The following GPR108 variants were observed in gnomAD, a reference collection of about 807,000 sequenced individuals.
GPR108 encodes G protein-coupled receptor 108.
A neutral mutation model predicts 74.3 loss-of-function variants in GPR108; 60 were observed. The ratio of observed to expected loss-of-function variants is 0.81; its 90% CI spans 0.66 to 1.00. The LOEUF is 1.00. GPR108 is among the 50% of genes least tolerant of loss of function. The pLI, the probability that GPR108 is intolerant of heterozygous loss-of-function variation, is 0.00. For missense variants in GPR108, 667 were observed against 703.3 expected (o/e 0.95, Z 0.58); for synonymous variants, 311 against 292.4 (o/e 1.06, Z -0.65).
At position 6,732,106 on chromosome 19, in the gene GPR108, G is replaced by A; in HGVS notation, c.1175C>T (p.Ala392Val). The A allele has an allele frequency of 6.2e-7, 1 of 1,613,952 alleles. No homozygotes were observed. The highest frequency in any genetic ancestry group is 8.5e-7 in the Non-Finnish European group (1 of 1,180,018). Reference sequence around the variant, plus strand: ...CTCCTTCCACAGCACGTAGTCGCTGGCGCCTTCCTCGCGGGACTCGATGAT... The same window carrying A: ...CTCCTTCCACAGCACGTAGTCGCTGACGCCTTCCTCGCGGGACTCGATGAT... ...YIIIESREEG[A>V]SDYVLWKEIL... is the part of the protein sequence containing the mutation. Residue 392 changes from alanine (A) to valine (V), a missense_variant, in exon 13 of 18, where the codon GCC (alanine) becomes GTC (valine). Coordinates refer to ENST00000264080, the MANE Select transcript of GPR108 (RefSeq NM_001080452.2).
Position 6,729,948 on chromosome 19 carries a change from A to T in GPR108, c.*364T>A, listed in dbSNP as rs902481133. The T allele has an allele frequency of 1.2e-5, 3 of 256,470 alleles. No individual in the cohort carries two copies. The highest frequency in any genetic ancestry group is 4.5e-5 in the African/African-American group (2 of 44,552). 15.9% of individuals were successfully genotyped at this position (256,470 alleles called of 1,614,324 possible). On this transcript the variant is annotated 3_prime_UTR_variant, in exon 18 of 18. Coordinates refer to ENST00000264080, the MANE Select transcript of GPR108 (RefSeq NM_001080452.2). ...GAATATTTATTGAATATACAAAGAC[A>T]CGGACCCTGTGCCCGCGCCCCCGCC... is the stretch of plus-strand genomic sequence containing the variant.
At chr19:6,737,197 A>C in intron 1 of GPR108, 1 of 499,930 alleles carries the variant, frequency 2.0e-6, no homozygotes, top group Non-Finnish European at 3.5e-6. Context: ...AGTTGGGGGG[A>C]AGGGGGGTGT....
chr19:6,730,041 G>A lies in GPR108; in HGVS notation c.*271C>T, dbSNP rs1272839789. On this transcript the variant is annotated 3_prime_UTR_variant, in exon 18 of 18. Coordinates refer to ENST00000264080, the MANE Select transcript of GPR108 (RefSeq NM_001080452.2). ...CGTGTAGACCCCAACCCCCAAAAAG[G>A]CAAGACAACGGCGTAGCCAAACAGA... 2.1e-6 allele frequency: 1 copy of A among 485,900 alleles called. No individual in the cohort carries two copies. The highest frequency in any genetic ancestry group is 3.7e-6 in the Non-Finnish European group (1 of 267,264). 30.1% of individuals were successfully genotyped at this position (485,900 alleles called of 1,614,324 possible).
rs748257697 is a variant in GPR108 at position 6,733,335 on chromosome 19, G to A, written c.724-34C>T. On this transcript the variant is annotated intron_variant, in intron 8 of 17. Coordinates refer to ENST00000264080, the MANE Select transcript of GPR108 (RefSeq NM_001080452.2). ...GGGGCAGTGGTGGGCGGCGGCAGGG[G>A]CACAGCCCGACCGCTGGCCTGGGAG... 1.1e-5 allele frequency: 17 copies of A among 1,601,422 alleles called. No homozygotes were observed. The African/African-American group carries it at 1.7e-4, about 16-fold the overall frequency.
At chr19:6,731,665 C>A (rs1165877303) in intron 14 of GPR108, 143 bp from the exon 15 acceptor site, 4 of 848,238 alleles carry the variant, frequency 4.7e-6, no homozygotes, top group Non-Finnish European at 7.2e-6. Flanking sequence ...TTAGGTGGGG[C>A]AGAAAGGCGG....
chr19:6,730,921 C>CCGT, intron 17 of GPR108, 66 bp downstream of exon 17: 2 of 1,478,142 alleles, frequency 1.4e-6, no homozygotes, highest in South Asian at 2.3e-5. Flanking sequence ...CCACCCTGCC[C>CCGT]GTAGAGCTGC....
chr19:6,733,098 G>A (rs774381820), intron 9 of GPR108, 36 bp from the exon 10 acceptor site: 3 of 1,613,336 alleles, frequency 1.9e-6, no homozygotes, highest in Middle Eastern at 1.7e-4. Context: ...GGGGTGCGGG[G>A]CATCAGCAGA....
At chr19:6,730,461 C>T in intron 17 of GPR108, 77 bp from the exon 18 acceptor site, 1 of 1,209,928 alleles carries the variant, frequency 8.3e-7, no homozygotes, top group Admixed American at 1.8e-5. Context: ...ACCACTCAGG[C>T]CCCGCCCCAC....
chr19:6,731,578 AGGGGGCT>A lies in GPR108; in HGVS notation c.1301-63_1301-57del, dbSNP rs766775527. On this transcript the variant is annotated intron_variant, in intron 14 of 17. Coordinates refer to ENST00000264080, the MANE Select transcript of GPR108 (RefSeq NM_001080452.2). ...GGAGACTGAGGGTGGGAGGGAGGGG[AGGGGGCT>A]GGGGGCTGGGAGAGGTGACAAACAG... 20 of 65,890 alleles carry A rather than the reference AGGGGGCT, an allele frequency of 3.0e-4. No homozygotes were observed. In the Admixed American group the frequency reaches 4.6e-3, roughly 15 times the overall value. 4.1% of individuals were successfully genotyped at this position (65,890 alleles called of 1,614,324 possible).
chr19:6,733,496 G>A (rs570289751), intron 8 of GPR108, 74 bp downstream of exon 8: 34 of 1,479,890 alleles, frequency 2.3e-5, no homozygotes, highest in East Asian at 2.0e-4. Context: ...AAAGCTAAGC[G>A]GGGTGAGGCA....
At chr19:6,736,005 C>G in intron 2 of GPR108, 47 bp from the exon 3 acceptor site, 1 of 1,534,252 alleles carries the variant, frequency 6.5e-7, no homozygotes, top group Admixed American at 1.8e-5. Flanking sequence ...ACAGTAGAGA[C>G]CTCCCAGCTA....
At chr19:6,733,418 G>A (rs938290322) in intron 8 of GPR108, 117 bp from the exon 9 acceptor site, 2 of 1,305,058 alleles carry the variant, frequency 1.5e-6, no homozygotes, top group African/African-American at 1.5e-5. Context: ...CATCCACTCT[G>A]AGCCTCAGTT....
Position 6,736,698 on chromosome 19 carries a change from G to C in GPR108, c.134C>G (p.Ala45Gly). The change falls in exon 2 of 18, where the codon GCG becomes GGG. Residue 45 changes from alanine to glycine, a missense_variant. Coordinates refer to ENST00000264080, the MANE Select transcript of GPR108 (RefSeq NM_001080452.2). ...HQLALTGEKR[A>G]DIQLNSFGFY... Reference sequence around the variant, plus strand: ...ACCGAAGCTGTTCAGCTGGATGTCCGCTCGCTTCTCCCCCTGCCGGAGACC... The same window carrying C: ...ACCGAAGCTGTTCAGCTGGATGTCCCCTCGCTTCTCCCCCTGCCGGAGACC... The C allele has an allele frequency of 6.2e-7, 1 of 1,614,008 alleles. No homozygotes were observed. Among genetic ancestry groups the C allele is most frequent in the Non-Finnish European group, 8.5e-7 (1 of 1,179,974 alleles).
At chr19:6,737,192 G>C (rs1309471346) in intron 1 of GPR108, 4 of 501,878 alleles carry the variant, frequency 8.0e-6, no homozygotes, top group South Asian at 5.1e-5. Context: ...GACCCAGTTG[G>C]GGGGAAGGGG....
Position 6,735,949 on chromosome 19 carries a change from T to C in GPR108, c.250A>G (p.Ser84Gly), listed in dbSNP as rs1968618429. 1 of 1,609,842 alleles carries C rather than the reference T, an allele frequency of 6.2e-7. No homozygotes were observed. The highest frequency in any genetic ancestry group is 8.5e-7 in the Non-Finnish European group (1 of 1,177,778). The stretch of plus-strand genomic sequence containing the variant: ...CTGCCAGACCGAACCCGGCTGAGAC[T>C]GAACCCCACCTGGTGGGTGGAAAAA... ...AEEKSLLVGF[S>G]LSRVRSGRVR... The change falls in exon 3 of 18, where the codon AGT (serine) becomes GGT (glycine). Residue 84 changes from serine (S) to glycine (G), a missense_variant. Ser to Gly is a moderately conservative substitution (Grantham distance 56, BLOSUM62 0). Transcript: ENST00000264080.
intron 15 of GPR108, 89 bp from the exon 16 acceptor site, chr19:6,731,371 T>G (rs1968395164): frequency 6.8e-7 from 1 of 1,476,920 alleles, no homozygotes; most frequent in African/African-American, 1.4e-5. Context: ...CTGGGGAGCC[T>G]GGATGGGGGC....
Position 6,731,270 on chromosome 19 carries a change from C to T in GPR108, c.1363G>A (p.Val455Ile), listed in dbSNP as rs757468810. 78 of 1,550,220 alleles carry T rather than the reference C, an allele frequency of 5.0e-5. 1 individual carries two copies. In the Admixed American group the frequency reaches 1.3e-3, roughly 26 times the overall value. Reference protein sequence around the residue: ...RHYYVMVICYVYFTRIIAILL... With the variant: ...RHYYVMVICYIYFTRIIAILL... ...ATGGCGATGATGCGGGTGAAGTAGA[C>T]GTAGCAGATGACCTGCAGGGGCGCG... Residue 455 changes from valine to isoleucine, a missense_variant, in exon 16 of 18, where the codon GTC becomes ATC. Transcript: ENST00000264080.
chr19:6,733,122 G>C (rs1329124979), intron 9 of GPR108, 46 bp downstream of exon 9: 3 of 1,613,520 alleles, frequency 1.9e-6, no homozygotes, highest in Non-Finnish European at 8.5e-7. Context: ...TAGGGATGGG[G>C]GTCTGGTGAA....
chr19:6,730,273 T>TG lies in GPR108; in HGVS notation c.*38dup, dbSNP rs758811513. The TG allele has an allele frequency of 3.8e-6, 6 of 1,574,356 alleles. No homozygotes were observed. The African/African-American group carries it at 8.1e-5, about 21-fold the overall frequency. ...GAAGAAGGGCAGGAGTGAGAAATGCTGGGGGAGGACGACCCTTTGGTCTGA... is the reference window on the plus strand; with the variant it reads ...GAAGAAGGGCAGGAGTGAGAAATGCTGGGGGGAGGACGACCCTTTGGTCTGA... On this transcript the variant is annotated 3_prime_UTR_variant, in exon 18 of 18. Transcript: ENST00000264080.
Sources: gnomAD v4.1 joint callset for allele counts on GRCh38, gnomAD v4.1.1 for gene constraint, MANE v1.5 for transcripts, NCBI Gene and HGNC (gene_info 2026-07-23, HGNC 2026-07-21) for gene names.